The following BCOR variants were observed in gnomAD, a reference collection of about 807,000 sequenced individuals.
The protein encoded by BCOR is BCL6 corepressor, also known as BCL-6 corepressor.
Under a neutral mutation model 86.7 loss-of-function variants are expected in BCOR, and 10 were observed. The observed-to-expected ratio is 0.12, with a 90% CI of 0.07 to 0.20. The LOEUF (loss-of-function observed/expected upper bound fraction) is 0.20, where lower values mean the gene tolerates loss of function less well. BCOR is among the 10% of genes least tolerant of loss of function. The pLI is 1.00. For missense variants in BCOR, 1,259 were observed against 1,452.1 expected, an observed-to-expected ratio of 0.87 and a Z score of 2.16; for synonymous variants, 611 against 609.0, an observed-to-expected ratio of 1.00 and a Z score of -0.05.
intron 1 of BCOR, among the ~76,000 whole-genome samples, chrX:40,125,672 T>A (rs1182786277): frequency 8.9e-6 from 1 of 112,312 alleles, no homozygotes; most frequent in Non-Finnish European, 1.9e-5. Flanking sequence ...GCAGAGACAA[T>A]CCATCCCTGC....
At chrX:40,149,269 C>T (rs185990357) in intron 1 of BCOR, among the ~76,000 whole-genome samples, 151 of 111,412 alleles carry the variant, frequency 1.4e-3, no homozygotes, top group Admixed American at 5.0e-3. Flanking sequence ...CTATTAAAGT[C>T]TCAGGCACGG....
intron 1 of BCOR, among the ~76,000 whole-genome samples, chrX:40,154,086 C>T (rs1938230499): frequency 9.0e-6 from 1 of 111,204 alleles, no homozygotes; most frequent in Admixed American, 9.4e-5. Flanking sequence ...AGGGGCGCCA[C>T]CGAGCGTTCG....
chrX:40,120,906 G>A (rs1352018266), intron 1 of BCOR, among the ~76,000 whole-genome samples: 2 of 111,390 alleles, frequency 1.8e-5, no homozygotes, highest in Non-Finnish European at 3.8e-5. Flanking sequence ...GCTCAGGGGA[G>A]GTCTCTTGGG....
intron 1 of BCOR, among the ~76,000 whole-genome samples, chrX:40,164,559 T>C (rs1027453484): frequency 9.0e-6 from 1 of 111,641 alleles, no homozygotes. Context: ...ACATTTTCCC[T>C]AGAGGATCTG....
At chrX:40,159,513 A>AT (rs766699292) in intron 1 of BCOR, among the ~76,000 whole-genome samples, 1,936 of 107,162 alleles carry the variant, frequency 0.018, 25 homozygotes, top group African/African-American at 0.05. Context: ...CGCCCGGCTA[A>AT]TTTTTTTTTT....
At chrX:40,085,036 G>A (rs1177124563) in intron 1 of BCOR, among the ~76,000 whole-genome samples, 1 of 111,744 alleles carries the variant, frequency 8.9e-6, no homozygotes, top group Non-Finnish European at 1.9e-5. Context: ...GGGGGCCCAC[G>A]AATTTTTGTA....
intron 1 of BCOR, among the ~76,000 whole-genome samples, chrX:40,148,860 C>G (rs1454922873): frequency 9.0e-6 from 1 of 111,061 alleles, no homozygotes; most frequent in Non-Finnish European, 1.9e-5. Context: ...GGCCCGAGGC[C>G]TGGGGTTTCC....
intron 1 of BCOR, among the ~76,000 whole-genome samples, chrX:40,109,132 C>T (rs1238239666): frequency 8.9e-6 from 1 of 112,092 alleles, no homozygotes; most frequent in African/African-American, 3.2e-5. Context: ...GAGGCGAACC[C>T]GGGCTGCGCG....
intron 1 of BCOR, among the ~76,000 whole-genome samples, chrX:40,176,288 T>A (rs1938749832): frequency 8.9e-6 from 1 of 111,989 alleles, no homozygotes; most frequent in Non-Finnish European, 1.9e-5. Flanking sequence ...GGAGGCTGTT[T>A]GTGTGGTGTG....
chrX:40,131,801 A>G (rs1002094641), intron 1 of BCOR, among the ~76,000 whole-genome samples: 9 of 111,313 alleles, frequency 8.1e-5, no homozygotes, highest in African/African-American at 2.6e-4. Flanking sequence ...GAGGAGGGGA[A>G]CTCATGCTTG....
intron 1 of BCOR, among the ~76,000 whole-genome samples, chrX:40,120,050 G>T (rs1450881841): frequency 9.6e-6 from 1 of 104,499 alleles, no homozygotes; most frequent in Non-Finnish European, 2.0e-5. Context: ...AGTTGGGGCG[G>T]GGGGAGGAGC....
At chrX:40,092,046 C>T (rs1369120387) in intron 1 of BCOR, among the ~76,000 whole-genome samples, 4 of 112,738 alleles carry the variant, frequency 3.5e-5, no homozygotes, top group Non-Finnish European at 7.5e-5. Context: ...GCCTTGTGAG[C>T]TCCTTTCGGC....
intron 1 of BCOR, among the ~76,000 whole-genome samples, chrX:40,171,103 C>T (rs1044616239): frequency 8.9e-6 from 1 of 112,196 alleles, no homozygotes; most frequent in South Asian, 3.7e-4. Flanking sequence ...GAGCCAGAAG[C>T]CATGTGAAGC....
At chrX:40,081,265 C>T (rs989075623) in intron 1 of BCOR, among the ~76,000 whole-genome samples, 5 of 111,638 alleles carry the variant, frequency 4.5e-5, no homozygotes, top group Non-Finnish European at 7.5e-5. Context: ...AAAGGCCATA[C>T]GGCTCACACC....
intron 1 of BCOR, among the ~76,000 whole-genome samples, chrX:40,083,349 C>T (rs1404551828): frequency 1.8e-5 from 2 of 111,216 alleles, no homozygotes; most frequent in South Asian, 3.9e-4. Flanking sequence ...GTGATCCAGC[C>T]GGCCCAGGTG....
chrX:40,062,466 C>T (rs1041476963), intron 9 of BCOR, 73 bp from the exon 10 acceptor site: 49 of 1,136,246 alleles, frequency 4.3e-5, no homozygotes, highest in Non-Finnish European at 5.8e-5. Flanking sequence ...CCTCCTCCTC[C>T]CCACGTGACA....
chrX:40,079,456 T>C (rs115157883), intron 1 of BCOR, among the ~76,000 whole-genome samples: 2,045 of 111,533 alleles, frequency 0.018, 51 homozygotes, highest in African/African-American at 0.065. Flanking sequence ...TTCTTTGTCC[T>C]AACTAGGTCT....
chrX:40,092,430 C>T (rs1445235699), intron 1 of BCOR, among the ~76,000 whole-genome samples: 3 of 110,205 alleles, frequency 2.7e-5, no homozygotes, highest in African/African-American at 9.9e-5. Flanking sequence ...ATCCACCCAA[C>T]ACAGGCTGTC....
chrX:40,167,627 A>G (rs1938530352), intron 1 of BCOR, among the ~76,000 whole-genome samples: 1 of 112,789 alleles, frequency 8.9e-6, no homozygotes, highest in Non-Finnish European at 1.9e-5. Context: ...TTTATTGTGC[A>G]CGCAGCCTGG....
Sources: allele counts gnomAD v4.1 joint callset (sites outside exome capture counted in the v4.1 genomes callset), GRCh38; gene constraint gnomAD v4.1.1; transcripts MANE v1.5; gene names NCBI Gene and HGNC (gene_info 2026-07-23, HGNC 2026-07-21).